Variants in DMBT1 observed in about 807,000 individuals in gnomAD.
The protein encoded by DMBT1 is scavenger receptor cysteine-rich domain-containing protein DMBT1.
A neutral mutation model predicts 252.9 loss-of-function variants in DMBT1; 198 were observed. The observed-to-expected ratio is 0.78, with a 90% CI of 0.70 to 0.88. The LOEUF is 0.88. Among genes scored for constraint, DMBT1 ranks in the 40% least tolerant of loss-of-function variants. The pLI is 0.00. For synonymous variants in DMBT1, 990 were observed against 942.7 expected (o/e 1.05, Z -0.92); for missense variants, 2,432 against 2,404.7 (o/e 1.01, Z -0.24).
chr10:122,593,477 G>A (rs1417143086), intron 20 of DMBT1, 92 bp from the exon 21 acceptor site: 1 of 1,365,498 alleles, frequency 7.3e-7, no homozygotes, highest in Non-Finnish European at 1.0e-6. Context: ...TGGACTGAGT[G>A]TCAGACTCGC....
intron 1 of DMBT1, among the ~76,000 whole-genome samples, chr10:122,561,646 TTCTGTC>T (rs1565498961): frequency 6.7e-6 from 1 of 149,290 alleles, no homozygotes; most frequent in East Asian, 2.0e-4. Context: ...CTCCCTCTGT[TTCTGTC>T]TGTCTGTCTG....
At chr10:122,623,498 G>T (rs978745314) in intron 44 of DMBT1, among the ~76,000 whole-genome samples, 2 of 152,204 alleles carry the variant, frequency 1.3e-5, no homozygotes, top group African/African-American at 4.8e-5. Flanking sequence ...CACAGCTGCT[G>T]CACCAAATTT....
intron 39 of DMBT1, 134 bp from the exon 40 acceptor site, chr10:122,617,094 A>G (rs1748040489): frequency 1.2e-5 from 13 of 1,062,472 alleles, no homozygotes. Flanking sequence ...ACCTGGGAAG[A>G]CACATGGGAA....
At chr10:122,569,348 C>G (rs1306677910) in intron 2 of DMBT1, among the ~76,000 whole-genome samples, 1 of 152,174 alleles carries the variant, frequency 6.6e-6, no homozygotes, top group Non-Finnish European at 1.5e-5. Flanking sequence ...AAAGCATTCT[C>G]TTTATTTGGA....
chr10:122,566,941 G>C (rs536826635), intron 2 of DMBT1, among the ~76,000 whole-genome samples: 1 of 152,220 alleles, frequency 6.6e-6, no homozygotes, highest in Non-Finnish European at 1.5e-5. Flanking sequence ...GCAGAGATTT[G>C]AGGCTAGGAT....
At chr10:122,628,169 T>C (rs3019469) in intron 46 of DMBT1, among the ~76,000 whole-genome samples, 78,715 of 152,062 alleles carry the variant, frequency 0.52, 23,646 homozygotes, top group African/African-American at 0.83. Context: ...TATTCCTAGG[T>C]ATATACCCAG....
chr10:122,634,085 C>A (rs1216865308), intron 52 of DMBT1, among the ~76,000 whole-genome samples: 1 of 152,186 alleles, frequency 6.6e-6, no homozygotes, highest in Non-Finnish European at 1.5e-5. Flanking sequence ...TTGTGGTGAA[C>A]TATGATAGCG....
rs371036637 is a variant in DMBT1, at chr10:122,586,313, G to C, written c.1713G>C (p.Trp571Cys). 627 of 1,588,694 alleles carry C rather than the reference G, an allele frequency of 3.9e-4. 104 individuals are homozygous for C. In the South Asian group the frequency reaches 6.6e-3, roughly 17 times the overall value. Residue 571 changes from tryptophan (W) to cysteine (C), a missense_variant, in exon 16 of 56, where the codon TGG becomes TGC. Trp to Cys is a radical substitution (Grantham distance 215, BLOSUM62 -2). Transcript: ENST00000338354. Reference sequence around the variant, plus strand: ...GCTCAGGGAATGAGTCCTACTTGTGGAGCTGCCCCCACAATGGCTGGCTCT... The same window carrying C: ...GCTCAGGGAATGAGTCCTACTTGTGCAGCTGCCCCCACAATGGCTGGCTCT... ...VRCSGNESYL[W>C]SCPHNGWLSH...
chr10:122,631,368 G>A, intron 49 of DMBT1, 87 bp downstream of exon 49: 15 of 1,513,096 alleles, frequency 9.9e-6, no homozygotes, highest in African/African-American at 1.4e-5. Flanking sequence ...GGTGTCTGTG[G>A]CCCAGGCAGG....
intron 46 of DMBT1, among the ~76,000 whole-genome samples, chr10:122,627,811 C>T (rs977575738): frequency 6.6e-6 from 1 of 152,134 alleles, no homozygotes; most frequent in Non-Finnish European, 1.5e-5. Flanking sequence ...GGACTTGTAT[C>T]TAGGATATAT....
intron 27 of DMBT1, 125 bp downstream of exon 27, chr10:122,600,218 A>G: frequency 7.4e-7 from 1 of 1,357,808 alleles, no homozygotes. Context: ...TCTACCCCCA[A>G]CACCAGTTGT....
chr10:122,636,979 A>G, intron 53 of DMBT1, 149 bp from the exon 54 acceptor site: 1 of 654,974 alleles, frequency 1.5e-6, no homozygotes, highest in South Asian at 2.2e-5. Flanking sequence ...GGGGGATTGC[A>G]GTGAGGTCTA....
chr10:122,577,470 G>A (rs1246877424), intron 7 of DMBT1, among the ~76,000 whole-genome samples: 2 of 152,188 alleles, frequency 1.3e-5, no homozygotes, highest in Non-Finnish European at 2.9e-5. Context: ...CAGACTCATC[G>A]CAGCTCAAGC....
At chr10:122,590,527 G>C in intron 17 of DMBT1, 138 bp from the exon 18 acceptor site, 2 of 1,086,810 alleles carry the variant, frequency 1.8e-6, no homozygotes, top group Non-Finnish European at 2.8e-6. Context: ...TTGTGGGGAC[G>C]TGCATGGCAA....
intron 39 of DMBT1, 130 bp from the exon 40 acceptor site, chr10:122,617,098 A>T (rs934187379): frequency 1.2e-5 from 13 of 1,113,680 alleles, no homozygotes; most frequent in Admixed American, 1.7e-5. Flanking sequence ...GGGAAGACAC[A>T]TGGGAAGCAA....
intron 40 of DMBT1, 145 bp downstream of exon 40, chr10:122,617,405 G>C: frequency 1.9e-6 from 2 of 1,053,512 alleles, no homozygotes; most frequent in Non-Finnish European, 2.8e-6. Context: ...TTTCTAGGGA[G>C]TCAGCCCTGG....
chr10:122,630,342 A>G lies in DMBT1; in HGVS notation c.5877A>G (p.Ser1959=), dbSNP rs1446610436. The G allele has an allele frequency of 3.1e-6, 5 of 1,614,060 alleles. No individual in the cohort carries two copies. Among genetic ancestry groups the G allele is most frequent in the Non-Finnish European group, 4.2e-6 (5 of 1,179,896 alleles). ...ATTATGTTGAAATCTTTGATGGATC[A>G]TTGAATAGCAGTCTCCTGCTGGGGA... ...SFDYVEIFDG[S]LNSSLLLGKI... is the part of the protein sequence containing the mutation. The change falls in exon 48 of 56, where the codon TCA becomes TCG. Residue 1959 remains serine, a synonymous_variant. Coordinates refer to ENST00000338354, the MANE Select transcript of DMBT1 (RefSeq NM_001377530.1).
chr10:122,631,755 G>T (rs571993828), intron 49 of DMBT1, 100 bp from the exon 50 acceptor site: 10 of 1,353,882 alleles, frequency 7.4e-6, no homozygotes, highest in Middle Eastern at 1.8e-4. Flanking sequence ...CGCCGAGGGG[G>T]GTCAGGTTAT....
chr10:122,570,990 A>G, intron 4 of DMBT1, 53 bp downstream of exon 4: 2 of 1,583,662 alleles, frequency 1.3e-6, no homozygotes, highest in Non-Finnish European at 1.7e-6. Context: ...CTGCACCCCT[A>G]GGTTCATCTC....
Sources: gnomAD v4.1 joint callset for allele counts (sites outside exome capture counted in the v4.1 genomes callset) on GRCh38, gnomAD v4.1.1 for gene constraint, MANE v1.5 for transcripts, NCBI Gene and HGNC (gene_info 2026-07-23, HGNC 2026-07-21) for gene names.